Variants in OLFML3 observed in about 807,000 individuals in gnomAD.
The protein encoded by OLFML3 is olfactomedin like 3.
Under a neutral mutation model 36.0 loss-of-function variants are expected in OLFML3, and 26 were observed. The observed-to-expected ratio is 0.72, with a 90% CI of 0.53 to 1.00. The LOEUF (loss-of-function observed/expected upper bound fraction) is 1.00, where lower values mean the gene tolerates loss of function less well. OLFML3 is among the 50% of genes least tolerant of loss of function. The pLI is 0.00. For synonymous variants in OLFML3, 184 were observed against 201.2 expected (o/e 0.91, Z 0.72); for missense variants, 503 against 519.4 (o/e 0.97, Z 0.31).
In OLFML3 at chr1:113,981,410, G is replaced by T; in HGVS notation, c.862G>T (p.Ala288Ser). The T allele has an allele frequency of 6.2e-7, 1 of 1,612,502 alleles. No individual in the cohort carries two copies. The highest frequency in any genetic ancestry group is 8.5e-7 in the Non-Finnish European group (1 of 1,179,124). The change falls in exon 3 of 3, where the codon GCC (alanine) becomes TCC (serine). Residue 288 changes from alanine (A) to serine (S), a missense_variant. Coordinates refer to ENST00000320334, the MANE Select transcript of OLFML3 (RefSeq NM_020190.5). ...TGAGGAAGGTCTTTGGGCTGTCTAT[G>T]CCACCCGGGAGGATGACAGGCACTT... is the stretch of plus-strand genomic sequence containing the variant. ...ADEEGLWAVY[A>S]TREDDRHLCL...
intron 1 of OLFML3, 61 bp downstream of exon 1, chr1:113,979,691 C>A (rs1374322527): frequency 3.1e-6 from 4 of 1,273,638 alleles, no homozygotes; most frequent in Admixed American, 3.5e-5. Flanking sequence ...TTGGTTCAAC[C>A]AGTTTGTTAG....
intron 1 of OLFML3, chr1:113,980,074 TG>T: frequency 6.5e-7 from 1 of 1,550,000 alleles, no homozygotes; most frequent in Non-Finnish European, 8.7e-7. Flanking sequence ...GAGGCTCAGA[TG>T]GCTCAGTGGC....
chr1:113,981,974 G>C lies in OLFML3; in HGVS notation c.*205G>C. On this transcript the variant is annotated 3_prime_UTR_variant, in exon 3 of 3. Transcript: ENST00000320334. ...GAGTAATCCTTTTAGAGCCCGAAGA[G>C]TCAAAACCCTCAATGTTCCCTCCTG... The C allele has an allele frequency of 1.7e-6, 1 of 590,564 alleles. No individual in the cohort carries two copies. The highest frequency in any genetic ancestry group is 2.0e-5 in the South Asian group (1 of 49,562). The allele number at this position is 590,564 out of a possible 1,614,324, so 36.6% of individuals were successfully genotyped here.
Position 113,981,979 on chromosome 1 carries a change from A to G in OLFML3, c.*210A>G. On this transcript the variant is annotated 3_prime_UTR_variant, in exon 3 of 3. Transcript: ENST00000320334. ...ATCCTTTTAGAGCCCGAAGAGTCAA[A>G]ACCCTCAATGTTCCCTCCTGCTCTC... The G allele has an allele frequency of 1.7e-6, 1 of 582,828 alleles. No individual in the cohort carries two copies. The highest frequency in any genetic ancestry group is 1.9e-5 in the African/African-American group (1 of 53,590). 36.1% of individuals were successfully genotyped at this position (582,828 alleles called of 1,614,324 possible). A position where few individuals can be genotyped will look rare whatever the true frequency, so the allele number is the denominator to read the frequency against.
intron 2 of OLFML3, 156 bp from the exon 3 acceptor site, chr1:113,980,793 C>A: frequency 1.0e-6 from 1 of 992,938 alleles, no homozygotes; most frequent in Non-Finnish European, 1.4e-6. Flanking sequence ...GGGATCCAGG[C>A]CGCTGTGGTA....
At position 113,979,926 on chromosome 1, in the gene OLFML3, T is replaced by TG. The variant is rs1487979778; in HGVS notation, c.114+297dup. The stretch of plus-strand genomic sequence containing the variant: ...TCTCCAGAGAAGGTGATGATTCTGT[T>TG]GAAGTTGGAGGTTCCCGGGGAATCT... On this transcript the variant is annotated intron_variant, in intron 1 of 2. Coordinates refer to ENST00000320334, the MANE Select transcript of OLFML3 (RefSeq NM_020190.5). The TG allele has an allele frequency of 1.5e-5, 21 of 1,427,502 alleles. 1 individual carries two copies. The Middle Eastern group carries it at 1.3e-3, about 89-fold the overall frequency. 88.4% of individuals were successfully genotyped at this position (1,427,502 alleles called of 1,614,324 possible).
At position 113,981,627 on chromosome 1, in the gene OLFML3, C is replaced by T; in HGVS notation, c.1079C>T (p.Ala360Val). ...AGCGGCACCCTGACCCCTGAACGGGCAGCACTCCCTTATTTTCCCCGCAGA... is the reference window on the plus strand; with the variant it reads ...AGCGGCACCCTGACCCCTGAACGGGTAGCACTCCCTTATTTTCCCCGCAGA... Reference protein sequence around the residue: ...DASGTLTPERAALPYFPRRYG... With the variant: ...DASGTLTPERVALPYFPRRYG... The change falls in exon 3 of 3, where the codon GCA (alanine) becomes GTA (valine). Residue 360 changes from alanine (A) to valine (V), a missense_variant. Ala to Val is a moderately conservative substitution (Grantham distance 64). Coordinates refer to ENST00000320334, the MANE Select transcript of OLFML3 (RefSeq NM_020190.5). 1.2e-6 allele frequency: 2 copies of T among 1,614,072 alleles called. No individual in the cohort carries two copies. Among genetic ancestry groups the T allele is most frequent in the Non-Finnish European group, 1.7e-6 (2 of 1,180,006 alleles).
rs1673435046 is a variant in OLFML3 at position 113,982,052 on chromosome 1, G to A, written c.*283G>A. ...AGGCTAAGGATGCCCCAGACCCAGGGCTCTAACCTTGTATGCGGGCAGGCC... is the reference window on the plus strand; with the variant it reads ...AGGCTAAGGATGCCCCAGACCCAGGACTCTAACCTTGTATGCGGGCAGGCC... On this transcript the variant is annotated 3_prime_UTR_variant, in exon 3 of 3. Coordinates refer to ENST00000320334, the MANE Select transcript of OLFML3 (RefSeq NM_020190.5). 2 of 430,394 alleles carry A rather than the reference G, an allele frequency of 4.6e-6. No individual in the cohort carries two copies. Among genetic ancestry groups the A allele is most frequent in the African/African-American group, 4.0e-5 (2 of 49,418 alleles). The allele number at this position is 430,394 out of a possible 1,614,324, so 26.7% of individuals were successfully genotyped here.
chr1:113,981,714 A>G lies in OLFML3; in HGVS notation c.1166A>G (p.Asp389Gly), dbSNP rs1673422212. The G allele has an allele frequency of 6.2e-7, 1 of 1,613,698 alleles. No individual in the cohort carries two copies. Among genetic ancestry groups the G allele is most frequent in the Non-Finnish European group, 8.5e-7 (1 of 1,179,958 alleles). Residue 389 changes from aspartate to glycine, a missense_variant, in exon 3 of 3, where the codon GAT (aspartate) becomes GGT (glycine). Coordinates refer to ENST00000320334, the MANE Select transcript of OLFML3 (RefSeq NM_020190.5). ...GAACGCCAGCTCTATGCCTGGGATG[A>G]TGGCTACCAGATTGTCTATAAGCTG... is the stretch of plus-strand genomic sequence containing the variant. ...PRERQLYAWD[D>G]GYQIVYKLEM...
intron 1 of OLFML3, 34 bp downstream of exon 1, chr1:113,979,664 G>GAAGAGA: frequency 6.8e-7 from 1 of 1,464,912 alleles, no homozygotes; most frequent in Non-Finnish European, 9.6e-7. Flanking sequence ...GCCCCGCCTA[G>GAAGAGA]AAGGATTCCA....
At chr1:113,979,899 C>A in intron 1 of OLFML3, 1 of 1,390,988 alleles carries the variant, frequency 7.2e-7, no homozygotes, top group Non-Finnish European at 9.4e-7. Flanking sequence ...TGTGGGGCTG[C>A]ATCTCCAGAG....
rs781450958 is a variant in OLFML3, at chr1:113,981,165, C to T, written c.617C>T (p.Pro206Leu). The T allele has an allele frequency of 1.2e-6, 2 of 1,614,234 alleles. No homozygotes were observed. The highest frequency in any genetic ancestry group is 1.7e-6 in the Non-Finnish European group (2 of 1,180,040). The change falls in exon 3 of 3, where the codon CCC becomes CTC. Residue 206 changes from proline to leucine, a missense_variant. By Grantham distance (98) the Pro-to-Leu change is moderately conservative (BLOSUM62 -3). Coordinates refer to ENST00000320334, the MANE Select transcript of OLFML3 (RefSeq NM_020190.5). ...RKASRVRVPF[P>L]WVGTGQLVYG... ...GCTTCCCGAGTCCGGGTGCCCTTCC[C>T]CTGGGTAGGCACAGGGCAGCTGGTA...
Position 113,980,390 on chromosome 1 carries a change from T to A in OLFML3, c.173T>A (p.Phe58Tyr). The change falls in exon 2 of 3, where the codon TTC (phenylalanine) becomes TAC (tyrosine). Residue 58 changes from phenylalanine (F) to tyrosine (Y), a missense_variant. Physicochemically the swap from Phe to Tyr is conservative, Grantham distance 22. Transcript: ENST00000320334. ...CGGCATGCTGCTGAGCTGCGGGACT[T>A]CAAGAACAAGATGCTGCCACTGCTG... ...SSRHAAELRD[F>Y]KNKMLPLLEV... The A allele has an allele frequency of 6.2e-7, 1 of 1,604,436 alleles. No homozygotes were observed. The highest frequency in any genetic ancestry group is 8.5e-7 in the Non-Finnish European group (1 of 1,174,978).
intron 1 of OLFML3, 152 bp downstream of exon 1, chr1:113,979,782 GCCCTCCTCT>G: frequency 1.2e-6 from 1 of 825,978 alleles, no homozygotes; most frequent in South Asian, 1.8e-5. Context: ...GGAATGACAA[GCCCTCCTCT>G]TACCCCACAT....
chr1:113,981,691 A>G lies in OLFML3; in HGVS notation c.1143A>G (p.Glu381=). Residue 381 remains glutamate, a synonymous_variant, in exon 3 of 3, where the codon GAA becomes GAG. Coordinates refer to ENST00000320334, the MANE Select transcript of OLFML3 (RefSeq NM_020190.5). ...AHASLRYNPR[E]RQLYAWDDGY... ...CCAGCCTCCGCTATAACCCCCGAGAACGCCAGCTCTATGCCTGGGATGATG... is the reference window on the plus strand; with the variant it reads ...CCAGCCTCCGCTATAACCCCCGAGAGCGCCAGCTCTATGCCTGGGATGATG... 1 of 1,614,012 alleles carries G rather than the reference A, an allele frequency of 6.2e-7. No homozygotes were observed. The highest frequency in any genetic ancestry group is 8.5e-7 in the Non-Finnish European group (1 of 1,179,992).
Position 113,981,855 on chromosome 1 carries a change from A to G in OLFML3, c.*86A>G. 1 of 1,247,780 alleles carries G rather than the reference A, an allele frequency of 8.0e-7. No individual in the cohort carries two copies. Among genetic ancestry groups the G allele is most frequent in the Non-Finnish European group, 1.1e-6 (1 of 883,260 alleles). The allele number at this position is 1,247,780 out of a possible 1,614,324, so 77.3% of individuals were successfully genotyped here. The stretch of plus-strand genomic sequence containing the variant: ...AAATTTCTTGTTCCTCATTCTTCAA[A>G]TGTGGGCCAGTTGTGGCTCAAATCC... On this transcript the variant is annotated 3_prime_UTR_variant, in exon 3 of 3. Coordinates refer to ENST00000320334, the MANE Select transcript of OLFML3 (RefSeq NM_020190.5).
At position 113,981,157 on chromosome 1, in the gene OLFML3, G is replaced by T. The variant is rs773557521; in HGVS notation, c.609G>T (p.Val203=). 1 of 1,614,096 alleles carries T rather than the reference G, an allele frequency of 6.2e-7. No homozygotes were observed. Among genetic ancestry groups the T allele is most frequent in the Admixed American group, 1.7e-5 (1 of 60,012 alleles). Residue 203 remains valine (V), a synonymous_variant, in exon 3 of 3, where the codon GTG becomes GTT. Transcript: ENST00000320334. ...CCCGGAAAGCTTCCCGAGTCCGGGT[G>T]CCCTTCCCCTGGGTAGGCACAGGGC... ...MAARKASRVR[V]PFPWVGTGQL... is the part of the protein sequence containing the mutation.
Position 113,981,570 on chromosome 1 carries a change from G to C in OLFML3, c.1022G>C (p.Ser341Thr), listed in dbSNP as rs146401239. The change falls in exon 3 of 3, where the codon AGT becomes ACT. Residue 341 changes from serine to threonine, a missense_variant. Ser to Thr is a moderately conservative substitution (Grantham distance 58). Coordinates refer to ENST00000320334, the MANE Select transcript of OLFML3 (RefSeq NM_020190.5). ...LYVVYNTRPA[S>T]RARIQCSFDA... is the part of the protein sequence containing the mutation. ...GTCGTCTATAACACCCGTCCTGCCAGTCGGGCCCGCATCCAGTGCTCCTTT... is the reference window on the plus strand; with the variant it reads ...GTCGTCTATAACACCCGTCCTGCCACTCGGGCCCGCATCCAGTGCTCCTTT... 3 of 1,614,014 alleles carry C rather than the reference G, an allele frequency of 1.9e-6. No individual in the cohort carries two copies. Among genetic ancestry groups the C allele is most frequent in the Non-Finnish European group, 2.5e-6 (3 of 1,180,040 alleles).
chr1:113,981,615 C>T lies in OLFML3; in HGVS notation c.1067C>T (p.Thr356Ile), dbSNP rs144472671. 3.4e-3 allele frequency: 5,442 copies of T among 1,614,128 alleles called. 9 individuals carry two copies. Among genetic ancestry groups the T allele is most frequent in the Non-Finnish European group, 4.1e-3 (4,857 of 1,180,038 alleles). ...QCSFDASGTL[T>I]PERAALPYFP... ...TCCTTTGATGCCAGCGGCACCCTGACCCCTGAACGGGCAGCACTCCCTTAT... is the reference window on the plus strand; with the variant it reads ...TCCTTTGATGCCAGCGGCACCCTGATCCCTGAACGGGCAGCACTCCCTTAT... Residue 356 changes from threonine to isoleucine, a missense_variant, in exon 3 of 3, where the codon ACC (threonine) becomes ATC (isoleucine). Thr to Ile is a moderately conservative substitution (Grantham distance 89). Coordinates refer to ENST00000320334, the MANE Select transcript of OLFML3 (RefSeq NM_020190.5).
Sources: gnomAD v4.1 joint callset for allele counts on GRCh38, gnomAD v4.1.1 for gene constraint, MANE v1.5 for transcripts, NCBI Gene and HGNC (gene_info 2026-07-23, HGNC 2026-07-21) for gene names.